Variants in POLR2F observed in about 807,000 individuals in gnomAD.
POLR2F encodes RNA polymerase II, I and III subunit F.
In POLR2F, 12 loss-of-function variants were observed where a neutral mutation model predicts 22.7. The ratio of observed to expected loss-of-function variants is 0.53; its 90% confidence interval spans 0.34 to 0.86. The LOEUF (loss-of-function observed/expected upper bound fraction) is 0.86. POLR2F is among the 40% of genes least tolerant of loss of function. The pLI is 0.02. For missense variants in POLR2F, 126 were observed against 171.5 expected, an observed-to-expected ratio of 0.73 and a Z score of 1.48; for synonymous variants, 57 against 66.0, an observed-to-expected ratio of 0.86 and a Z score of 0.66.
rs890745510 is a variant in POLR2F at position 37,986,442 on chromosome 22, G to C, written c.120+130G>C. 1 of 1,527,198 alleles carries C rather than the reference G, an allele frequency of 6.5e-7. No homozygotes were observed. Among genetic ancestry groups the C allele is most frequent in the African/African-American group, 1.4e-5 (1 of 72,848 alleles). 94.6% of individuals were successfully genotyped at this position (1,527,198 alleles called of 1,614,324 possible). Reference sequence around the variant, plus strand: ...GGAGGGGTGGTTGTGGAAGGAAAGAGCCCAGAGTTAGGAGGTGGAATGTGG... The same window carrying C: ...GGAGGGGTGGTTGTGGAAGGAAAGACCCCAGAGTTAGGAGGTGGAATGTGG... On this transcript the variant is annotated intron_variant, in intron 1 of 2. Transcript: ENST00000333418. This position sits in a 1 kb window ranked among gnomAD's most constrained non-coding sequence, Gnocchi z 4.7.
intron 1 of POLR2F, among the ~76,000 whole-genome samples, chr22:37,998,315 T>C (rs73886225): frequency 0.035 from 5,299 of 152,274 alleles, 303 homozygotes; most frequent in African/African-American, 0.12. Flanking sequence ...CCGTGTTAAC[T>C]CCCTCAAGGC....
chr22:37,994,417 G>A (rs1393705287), intron 1 of POLR2F, among the ~76,000 whole-genome samples: 2 of 152,164 alleles, frequency 1.3e-5, no homozygotes, highest in African/African-American at 4.8e-5. Context: ...GTGCCATCAC[G>A]GCTCACTGCA....
At chr22:38,029,915 C>T (rs527828745), downstream of POLR2F, among the ~76,000 whole-genome samples, 1 of 152,220 alleles carries the variant, frequency 6.6e-6, no homozygotes, top group Non-Finnish European at 1.5e-5. Flanking sequence ...ATGAGCCTTG[C>T]AGGCTGGAGA....
chr22:38,016,244 T>C lies in POLR2F; in HGVS notation c.121-9625T>C, dbSNP rs1433051713. 2.0e-5 allele frequency among the ~76,000 whole-genome samples: 3 copies of C among 152,170 alleles called. No individual in the cohort carries two copies. The highest frequency in any genetic ancestry group is 4.4e-5 in the Non-Finnish European group (3 of 68,038). Reference sequence around the variant, plus strand: ...GGGTCATCATCATGTAGACCCAAAGTGGGCTCTGACCACACCCTTGGGGGT... The same window carrying C: ...GGGTCATCATCATGTAGACCCAAAGCGGGCTCTGACCACACCCTTGGGGGT... On this transcript the variant is annotated intron_variant, in intron 1 of 2. Coordinates refer to the POLR2F transcript ENST00000333418. The surrounding 1 kb of genome is among the most constrained non-coding windows in gnomAD (Gnocchi z 4.4).
downstream of POLR2F, chr22:37,973,477 G>A (rs543526248): frequency 1.4e-5 from 21 of 1,506,314 alleles, no homozygotes; most frequent in African/African-American, 2.8e-4. Context: ...GCGGGGGGTG[G>A]TGGCGACAGG....
chr22:38,030,484 G>A (rs893926182), downstream of POLR2F, among the ~76,000 whole-genome samples: 2 of 152,166 alleles, frequency 1.3e-5, no homozygotes, highest in Non-Finnish European at 2.9e-5. Context: ...GCTGACTCCA[G>A]CGCACTGCCA....
chr22:37,987,685 C>T, intron 1 of POLR2F: 1 of 284,170 alleles, frequency 3.5e-6, no homozygotes, highest in Admixed American at 4.7e-5. Context: ...ATGAGACTGT[C>T]TTCCTGACTT....
chr22:37,971,176 C>T, downstream of POLR2F: 1 of 465,164 alleles, frequency 2.1e-6, no homozygotes, highest in South Asian at 1.6e-5. Flanking sequence ...GAAGCAGGGG[C>T]TGCAAACCAC....
At chr22:37,993,448 C>A (rs2092350) in intron 1 of POLR2F, among the ~76,000 whole-genome samples, 6 of 152,284 alleles carry the variant, frequency 3.9e-5, no homozygotes, top group Admixed American at 6.5e-5. Context: ...GTGATCCAGT[C>A]AGAATTTAGC....
chr22:38,019,404 A>G (rs762009937), intron 1 of POLR2F, among the ~76,000 whole-genome samples: 2 of 152,160 alleles, frequency 1.3e-5, no homozygotes, highest in Admixed American at 6.5e-5. Context: ...ACACTCCAGG[A>G]GCAGCCCGCC....
chr22:38,011,340 AG>A (rs758668151), intron 1 of POLR2F, among the ~76,000 whole-genome samples: 6 of 151,586 alleles, frequency 4.0e-5, no homozygotes, highest in East Asian at 3.9e-4. Context: ...CCTGGGATCA[AG>A]TAATCCACCT....
At chr22:37,969,935 CAG>C (rs1357783731), downstream of POLR2F, among the ~76,000 whole-genome samples, 1 of 152,074 alleles carries the variant, frequency 6.6e-6, no homozygotes, top group Non-Finnish European at 1.5e-5. Flanking sequence ...GCCACTGTGA[CAG>C]AGAAGTGTGT....
chr22:37,991,087 G>A (rs1932717249), intron 1 of POLR2F, among the ~76,000 whole-genome samples: 2 of 152,206 alleles, frequency 1.3e-5, no homozygotes, highest in Admixed American at 1.3e-4. Flanking sequence ...CTGGAGACCA[G>A]CCTGGACAAC....
intron 1 of POLR2F, among the ~76,000 whole-genome samples, chr22:37,992,176 T>C (rs1456292515): frequency 1.3e-5 from 2 of 152,190 alleles, no homozygotes; most frequent in Non-Finnish European, 2.9e-5. Context: ...ATTTATTAGC[T>C]GTGTGTCCTT....
rs149170480 is a variant in POLR2F, at chr22:38,017,999, C to T, written c.121-7870C>T. Among the ~76,000 whole-genome samples, 214 of 152,304 alleles carry T rather than the reference C, an allele frequency of 1.4e-3. 1 individual carries two copies. Among genetic ancestry groups the T allele is most frequent in the African/African-American group, 5.1e-3 (210 of 41,554 alleles). On this transcript the variant is annotated intron_variant, in intron 1 of 2. Coordinates refer to the POLR2F transcript ENST00000333418. The surrounding 1 kb of genome is among the most constrained non-coding windows in gnomAD (Gnocchi z 4.1). ...CCTATAACGTGGCCATAAGGTGGAA[C>T]GTTATCCAGATCCTCCTGGGCTTCA...
At chr22:38,036,625 C>T (rs915291135) in intron 5 of POLR2F, among the ~76,000 whole-genome samples, 8 of 151,316 alleles carry the variant, frequency 5.3e-5, no homozygotes, top group Admixed American at 1.3e-4. Flanking sequence ...GGATGGGAGA[C>T]GGGGTAAGGA....
At chr22:37,990,678 C>T (rs1932707382) in intron 1 of POLR2F, among the ~76,000 whole-genome samples, 1 of 152,256 alleles carries the variant, frequency 6.6e-6, no homozygotes, top group African/African-American at 2.4e-5. Flanking sequence ...GGAGCTGGGC[C>T]TCTGGACCCC....
downstream of POLR2F, among the ~76,000 whole-genome samples, chr22:38,027,803 T>C (rs1169986938): frequency 6.6e-6 from 1 of 152,122 alleles, no homozygotes; most frequent in Non-Finnish European, 1.5e-5. Flanking sequence ...TGCGGGCTCA[T>C]AGGCAAGGAC....
intron 1 of POLR2F, among the ~76,000 whole-genome samples, chr22:37,956,099 G>C (rs187733445): frequency 2.1e-4 from 32 of 151,192 alleles, no homozygotes; most frequent in African/African-American, 6.8e-4. Context: ...GTGGCGGGGG[G>C]GGGTTTTGAG....
Sources: allele counts gnomAD v4.1 joint callset (sites outside exome capture counted in the v4.1 genomes callset), GRCh38; gene constraint gnomAD v4.1.1; non-coding constraint Gnocchi (gnomAD v3.1); transcripts MANE v1.5; gene names NCBI Gene and HGNC (gene_info 2026-07-23, HGNC 2026-07-21).